FEM1C: variants seen among roughly 807,000 people sequenced by gnomAD.
FEM1C encodes protein fem-1 homolog C.
Under a neutral mutation model 37.6 loss-of-function variants are expected in FEM1C, and 15 were observed. The ratio of observed to expected loss-of-function variants is 0.40; its 90% CI spans 0.27 to 0.61. The LOEUF is 0.61. Ranked by LOEUF, FEM1C falls within the 20% of genes least tolerant of loss-of-function variation. The probability of loss-of-function intolerance (pLI) is 0.42; values close to 1 mark genes in which losing one functional copy is unlikely to be tolerated. For missense variants in FEM1C, 532 were observed against 749.7 expected (o/e 0.71, Z 3.39); for synonymous variants, 287 against 272.8 (o/e 1.05, Z -0.51).
At position 115,524,899 on chromosome 5, in the gene FEM1C, T is replaced by A; in HGVS notation, c.1263A>T (p.Glu421Asp). 6.2e-7 allele frequency: 1 copy of A among 1,613,814 alleles called. No homozygotes were observed. The highest frequency in any genetic ancestry group is 8.5e-7 in the Non-Finnish European group (1 of 1,179,830). The stretch of plus-strand genomic sequence containing the variant: ...GAGTTTGTTTGATAGCTCGCTCTAT[T>A]TCAAGGACGCTTTTGCAAAGTATGC... ...LMGILCKSVL[E>D]IERAIKQTQC... The change falls in exon 3 of 3, where the codon GAA becomes GAT. Residue 421 changes from glutamate to aspartate, a missense_variant. Around this residue, in one of 3 missense-constraint regions of FEM1C, gnomAD observed 237 missense variants for 260.5 expected, o/e 0.91. Coordinates refer to ENST00000274457, the MANE Select transcript of FEM1C (RefSeq NM_020177.3).
rs747181731 is a variant in FEM1C at position 115,543,332 on chromosome 5, A to C, written c.162T>G (p.Leu54=). The part of the protein sequence containing the change: ...PLLMAARYGH[L]DMVEFLLEQC... ...GCTCTAGGAGGAATTCCACCATGTC[A>C]AGGTGCCCATACCTGGCGGCCATCA... The change falls in exon 2 of 3, where the codon CTT becomes CTG. Residue 54 remains leucine (L), a synonymous_variant. Transcript: ENST00000274457. 5.0e-6 allele frequency: 8 copies of C among 1,614,088 alleles called. No individual in the cohort carries two copies. The African/African-American group carries it at 1.1e-4, about 22-fold the overall frequency.
In FEM1C at chr5:115,533,862, CATATT is replaced by C. The variant is rs200520465; in HGVS notation, c.545-8250_545-8246del. 6.4e-3 allele frequency among the ~76,000 whole-genome samples: 967 copies of C among 151,172 alleles called. 5 individuals carry two copies. The highest frequency in any genetic ancestry group is 0.025 in the East Asian group (131 of 5,158). On this transcript the variant is annotated intron_variant, in intron 2 of 2. Transcript: ENST00000274457. ...AAAAAAAGGAAGAGAAAAAGAAAAA[CATATT>C]ATATTAAACAATTCTCAATGCCTGA...
chr5:115,538,566 G>T (rs890524701), intron 2 of FEM1C, among the ~76,000 whole-genome samples: 7 of 151,974 alleles, frequency 4.6e-5, no homozygotes, highest in Non-Finnish European at 1.0e-4. Context: ...AATGCGGTTA[G>T]ATGTCACAGT....
intron 2 of FEM1C, among the ~76,000 whole-genome samples, chr5:115,529,787 A>G (rs867689058): frequency 6.6e-6 from 1 of 152,192 alleles, no homozygotes; most frequent in Middle Eastern, 3.4e-3. Flanking sequence ...TTAGAAATTT[A>G]TGTTAGCCTT....
At position 115,543,573 on chromosome 5, in the gene FEM1C, T is replaced by C; in HGVS notation, c.-80A>G. 11 of 1,509,334 alleles carry C rather than the reference T, an allele frequency of 7.3e-6. No individual in the cohort carries two copies. The highest frequency in any genetic ancestry group is 9.6e-6 in the Non-Finnish European group (11 of 1,140,760). The allele number at this position is 1,509,334 out of a possible 1,614,324, so 93.5% of individuals were successfully genotyped here. On this transcript the variant is annotated 5_prime_UTR_variant, in exon 2 of 3. Transcript: ENST00000274457. The stretch of plus-strand genomic sequence containing the variant: ...TTAACTCTATCGACACAGGCAAGAG[T>C]CACAGGAACCAAAGTCCAATGTTAA...
At chr5:115,536,992 T>TA (rs913770604) in intron 2 of FEM1C, among the ~76,000 whole-genome samples, 18 of 152,104 alleles carry the variant, frequency 1.2e-4, no homozygotes, top group Non-Finnish European at 1.9e-4. Flanking sequence ...TAATTATGTG[T>TA]AAAAAACTCA....
At chr5:115,530,373 CAT>C (rs1311401085) in intron 2 of FEM1C, among the ~76,000 whole-genome samples, 3 of 152,016 alleles carry the variant, frequency 2.0e-5, no homozygotes, top group African/African-American at 7.2e-5. Flanking sequence ...CACCTAATAA[CAT>C]AGAATTAAGT....
chr5:115,531,970 AGCC>A (rs1458181454), intron 2 of FEM1C, among the ~76,000 whole-genome samples: 1 of 152,084 alleles, frequency 6.6e-6, no homozygotes, highest in Non-Finnish European at 1.5e-5. Context: ...AAGAACAAAC[AGCC>A]CTGTTCACTT....
rs1754323624 is a variant in FEM1C at position 115,544,773 on chromosome 5, T to C, written c.-441A>G. ...CTGCAGCGACTGCTGCGACGGATGG[T>C]GTAATGGGCTGCGAGCCGGGGGCCG... is the stretch of plus-strand genomic sequence containing the variant. On this transcript the variant is annotated 5_prime_UTR_variant, in exon 1 of 3. Coordinates refer to ENST00000274457, the MANE Select transcript of FEM1C (RefSeq NM_020177.3). 6.6e-6 allele frequency: 1 copy of C among 152,406 alleles called. No individual in the cohort carries two copies. Among genetic ancestry groups the C allele is most frequent in the Non-Finnish European group, 1.5e-5 (1 of 68,156 alleles). The allele number at this position is 152,406 out of a possible 1,614,324, so 9.4% of individuals were successfully genotyped here.
intron 2 of FEM1C, 52 bp from the exon 3 acceptor site, chr5:115,525,669 T>G (rs778572835): frequency 7.5e-7 from 1 of 1,337,568 alleles, no homozygotes; most frequent in Non-Finnish European, 1.0e-6. Context: ...GACCAAAATA[T>G]AATGTAATAT....
Position 115,524,942 on chromosome 5 carries a change from G to C in FEM1C, c.1220C>G (p.Thr407Arg), listed in dbSNP as rs138831562. Residue 407 changes from threonine to arginine, a missense_variant, in exon 3 of 3, where the codon ACA becomes AGA. Physicochemically the swap from Thr to Arg is moderately conservative, Grantham distance 71. Coordinates refer to ENST00000274457, the MANE Select transcript of FEM1C (RefSeq NM_020177.3). ...AAGTATGCCCATAAGATCATCAAAT[G>C]TAACAGTAGTACCCAGCAGGCCTTT... ...RAKGLLGTTVTFDDLMGILCK... is the reference protein window; with the variant it reads ...RAKGLLGTTVRFDDLMGILCK... 1 of 1,613,780 alleles carries C rather than the reference G, an allele frequency of 6.2e-7. No homozygotes were observed. Among genetic ancestry groups the C allele is most frequent in the South Asian group, 1.1e-5 (1 of 91,078 alleles).
At chr5:115,531,173 A>G (rs1754007480) in intron 2 of FEM1C, among the ~76,000 whole-genome samples, 1 of 152,092 alleles carries the variant, frequency 6.6e-6, no homozygotes, top group Non-Finnish European at 1.5e-5. Context: ...CTAAGGTCAT[A>G]TTTTAAATGC....
At chr5:115,532,971 T>G (rs555553879) in intron 2 of FEM1C, among the ~76,000 whole-genome samples, 1 of 152,198 alleles carries the variant, frequency 6.6e-6, no homozygotes, top group Non-Finnish European at 1.5e-5. Flanking sequence ...CTTTAATAAA[T>G]GCGTAGTATA....
Position 115,543,365 on chromosome 5 carries a change from C to T in FEM1C, c.129G>A (p.Thr43=), listed in dbSNP as rs926569385. The change falls in exon 2 of 3, where the codon ACG becomes ACA. Residue 43 remains threonine (T), a synonymous_variant. Transcript: ENST00000274457. ...CATACCTGGCGGCCATCAAGAGTGG[C>T]GTGGCCCCATTTGTTTTTTCAGAGA... ...SLISEKTNGA[T]PLLMAARYGH... 14 of 1,614,070 alleles carry T rather than the reference C, an allele frequency of 8.7e-6. No individual in the cohort carries two copies. The highest frequency in any genetic ancestry group is 4.0e-5 in the African/African-American group (3 of 74,924).
At chr5:115,529,881 A>G (rs1753980784) in intron 2 of FEM1C, among the ~76,000 whole-genome samples, 3 of 152,146 alleles carry the variant, frequency 2.0e-5, no homozygotes, top group South Asian at 4.1e-4. Flanking sequence ...TAACATATAG[A>G]AAAAAATGAA....
chr5:115,543,637 A>ATG lies in FEM1C; in HGVS notation c.-146_-145dup. 2 of 1,434,492 alleles carry ATG rather than the reference A, an allele frequency of 1.4e-6. No homozygotes were observed. Among genetic ancestry groups the ATG allele is most frequent in the Non-Finnish European group, 9.1e-7 (1 of 1,100,174 alleles). 88.9% of individuals were successfully genotyped at this position (1,434,492 alleles called of 1,614,324 possible). ...GAACGGATACACAACCACGAAGAGT[A>ATG]TGTTCCGTCCTACTGCTTTCCAACA... is the stretch of plus-strand genomic sequence containing the variant. On this transcript the variant is annotated 5_prime_UTR_variant, in exon 2 of 3. An upstream open reading frame in the 5' UTR loses its in-frame stop. Coordinates refer to ENST00000274457, the MANE Select transcript of FEM1C (RefSeq NM_020177.3).
rs751149775 is a variant in FEM1C at position 115,543,275 on chromosome 5, G to A, written c.219C>T (p.Ser73=). The change falls in exon 2 of 3, where the codon TCC becomes TCT. Residue 73 remains serine, a synonymous_variant. Transcript: ENST00000274457. The part of the protein sequence containing the change: ...QCSASIEVGG[S]VNFDGETIEG... ...CAATGGTTTCGCCATCAAAATTGAC[G>A]GAGCCCCCAACTTCTATGGAGGCAC... The A allele has an allele frequency of 1.5e-5, 24 of 1,613,992 alleles. 1 individual carries two copies. The East Asian group carries it at 4.2e-4, about 28-fold the overall frequency.
Position 115,543,466 on chromosome 5 carries a change from C to T in FEM1C, c.28G>A (p.Ala10Thr). Reference protein sequence around the residue: MDLKTAVFNAARDGKLRLLT... With the variant: MDLKTAVFNTARDGKLRLLT... ...AGCCGGAGTTTGCCATCCCGAGCTG[C>T]GTTAAATACTGCTGTCTTTAGATCC... The change falls in exon 2 of 3, where the codon GCA becomes ACA. Residue 10 changes from alanine (A) to threonine (T), a missense_variant. Coordinates refer to ENST00000274457, the MANE Select transcript of FEM1C (RefSeq NM_020177.3). 1.2e-6 allele frequency: 2 copies of T among 1,612,642 alleles called. No individual in the cohort carries two copies. The highest frequency in any genetic ancestry group is 8.5e-7 in the Non-Finnish European group (1 of 1,179,574).
intron 2 of FEM1C, among the ~76,000 whole-genome samples, chr5:115,528,422 C>T (rs559263774): frequency 3.9e-5 from 6 of 152,162 alleles, no homozygotes; most frequent in African/African-American, 1.4e-4. Context: ...AAAGTGGAGC[C>T]TACAGCCTAC....
Sources: allele counts gnomAD v4.1 joint callset (sites outside exome capture counted in the v4.1 genomes callset), GRCh38; gene constraint gnomAD v4.1.1; regional missense constraint gnomAD v4.1.1; transcripts MANE v1.5; gene names NCBI Gene and HGNC (gene_info 2026-07-23, HGNC 2026-07-21).